Variants in ATP6AP2 observed in about 807,000 individuals in gnomAD.
ATP6AP2 encodes the protein ATPase H+ transporting accessory protein 2, also known as renin receptor.
ATP6AP2 carries 1 observed loss-of-function variant against 23.4 expected under a neutral mutation model. The ratio of observed to expected loss-of-function variants is 0.04; its 90% confidence interval spans 0.02 to 0.20. The LOEUF (loss-of-function observed/expected upper bound fraction) is 0.20. Ranked by LOEUF, ATP6AP2 falls within the 10% of genes least tolerant of loss-of-function variation. The pLI is 1.00. For missense variants in ATP6AP2, 174 were observed against 271.3 expected, an observed-to-expected ratio of 0.64 and a Z score of 2.52; for synonymous variants, 90 against 97.1, an observed-to-expected ratio of 0.93 and a Z score of 0.43.
intron 2 of ATP6AP2, 138 bp downstream of exon 2, chrX:40,589,254 C>A: frequency 1.3e-6 from 1 of 740,984 alleles, no homozygotes; most frequent in Non-Finnish European, 1.9e-6. Flanking sequence ...TCATCTGGAC[C>A]AGGCACAGTG....
rs897518327 is a variant in ATP6AP2 at position 40,600,773 on chromosome X, C to T, written c.750C>T (p.Asp250=). The T allele has an allele frequency of 4.1e-6, 5 of 1,205,186 alleles. No homozygotes were observed. The African/African-American group carries it at 7.0e-5, about 17-fold the overall frequency. The change falls in exon 8 of 9, where the codon GAC becomes GAT. Residue 250 remains aspartate (D), a synonymous_variant. Coordinates refer to ENST00000636580, the MANE Select transcript of ATP6AP2 (RefSeq NM_005765.3). ...TAACTAACTTTCAGTTTGCAGATGA[C>T]ATGTACAGTCTTTATGGTGGGAATG... ...LVDALQKFAD[D]MYSLYGGNAV...
chrX:40,597,102 G>T, intron 3 of ATP6AP2, 147 bp from the exon 4 acceptor site: 1 of 495,380 alleles, frequency 2.0e-6, no homozygotes. Flanking sequence ...GCCCTCAAAA[G>T]GGCTTGTTTG....
chrX:40,585,877 T>A (rs1293925642), intron 1 of ATP6AP2, among the ~76,000 whole-genome samples: 1 of 110,841 alleles, frequency 9.0e-6, no homozygotes, highest in African/African-American at 3.3e-5. Flanking sequence ...TAAAAAAAAT[T>A]TTTAAAATTT....
At chrX:40,590,860 T>A (rs1010045612) in intron 2 of ATP6AP2, 3 of 175,965 alleles carry the variant, frequency 1.7e-5, no homozygotes, top group Non-Finnish European at 3.2e-5. Context: ...AAAGTGATGC[T>A]GTATATGAGG....
intron 8 of ATP6AP2, among the ~76,000 whole-genome samples, chrX:40,601,518 C>T (rs1339820605): frequency 9.0e-6 from 1 of 111,730 alleles, no homozygotes; most frequent in Non-Finnish European, 1.9e-5. Flanking sequence ...TAAGCATTAC[C>T]ATGGTTGCTG....
At chrX:40,591,211 GC>G in intron 2 of ATP6AP2, 22 bp from the exon 3 acceptor site, 1 of 1,208,826 alleles carries the variant, frequency 8.3e-7, no homozygotes, top group East Asian at 3.0e-5. Context: ...ATTAAGCACC[GC>G]TTTGTGCTTT....
chrX:40,591,578 G>A (rs1926630196), intron 3 of ATP6AP2: 1 of 417,663 alleles, frequency 2.4e-6, no homozygotes, highest in Admixed American at 4.1e-5. Flanking sequence ...TGAGAGTACT[G>A]TTTAAGATAA....
Position 40,597,528 on chromosome X carries a change from G to A in ATP6AP2, c.398G>A (p.Arg133Lys), listed in dbSNP as rs560852897. 4.7e-5 allele frequency: 57 copies of A among 1,208,677 alleles called. 1 individual carries two copies. In the South Asian group the frequency reaches 8.6e-4, roughly 18 times the overall value. The change falls in exon 5 of 9, where the codon AGA becomes AAA. Residue 133 changes from arginine to lysine, a missense_variant and splice_region_variant. Physicochemically the swap from Arg to Lys is conservative, Grantham distance 26. Coordinates refer to ENST00000636580, the MANE Select transcript of ATP6AP2 (RefSeq NM_005765.3). Reference sequence around the variant, plus strand: ...TAAAATTTTCTATTCTTCTTACAGAGAGTGTATATGGTAGGGAAGGCAAAC... The same window carrying A: ...TAAAATTTTCTATTCTTCTTACAGAAAGTGTATATGGTAGGGAAGGCAAAC... The part of the protein sequence containing the change: ...VVLQLAPSEE[R>K]VYMVGKANSV...
At chrX:40,592,523 G>A (rs1356757403) in intron 3 of ATP6AP2, 2 of 110,545 alleles carry the variant, frequency 1.8e-5, no homozygotes, top group Non-Finnish European at 3.8e-5. Context: ...GAAAAAATTT[G>A]TGAAAAAAAG....
intron 2 of ATP6AP2, chrX:40,589,410 G>T (rs969961794): frequency 3.8e-5 from 9 of 239,701 alleles, no homozygotes; most frequent in Non-Finnish European, 6.7e-5. Flanking sequence ...TTTGTAGTTG[G>T]GAAGATTTTG....
At position 40,605,817 on chromosome X, in the gene ATP6AP2, CTT is replaced by C. The variant is rs1175836750; in HGVS notation, c.*65_*66del. 4 of 986,120 alleles carry C rather than the reference CTT, an allele frequency of 4.1e-6. No individual in the cohort carries two copies. The East Asian group carries it at 1.2e-4, about 30-fold the overall frequency. The allele number at this position is 986,120 out of a possible 1,213,427, so 81.3% of individuals were successfully genotyped here. ...AATTGGCTGTTTTGTTAAAATATAT[CTT>C]TTAGTGTGCTTTAAAGTAGATAGTA... On this transcript the variant is annotated 3_prime_UTR_variant, in exon 9 of 9. Transcript: ENST00000636580.
At chrX:40,595,562 C>G (rs115023239) in intron 3 of ATP6AP2, among the ~76,000 whole-genome samples, 3,127 of 111,970 alleles carry the variant, frequency 0.028, 101 homozygotes, top group African/African-American at 0.096. Flanking sequence ...TCAATTTGAT[C>G]GCTATGGACA....
intron 6 of ATP6AP2, 76 bp downstream of exon 6, chrX:40,598,810 T>C (rs1298838347): frequency 1.0e-6 from 1 of 982,263 alleles, no homozygotes; most frequent in African/African-American, 1.9e-5. Flanking sequence ...GTAAAGGCAG[T>C]TGAAAAGTTT....
At chrX:40,597,836 C>A in intron 5 of ATP6AP2, 172 bp downstream of exon 5, 1 of 473,954 alleles carries the variant, frequency 2.1e-6, no homozygotes, top group Admixed American at 3.7e-5. Context: ...CTGCATCTGG[C>A]CTCCCATTCC....
intron 3 of ATP6AP2, among the ~76,000 whole-genome samples, chrX:40,595,457 G>A (rs1569260390): frequency 1.8e-5 from 2 of 112,441 alleles, no homozygotes; most frequent in African/African-American, 3.2e-5. Flanking sequence ...ACCATCATTC[G>A]ATATTAAGCA....
chrX:40,584,473 G>C (rs911112065), intron 1 of ATP6AP2, among the ~76,000 whole-genome samples: 5 of 108,176 alleles, frequency 4.6e-5, no homozygotes, highest in Non-Finnish European at 7.7e-5. Context: ...TGGGGTTCAA[G>C]TGATTCTTGT....
chrX:40,591,563 G>GT (rs1164140276), intron 3 of ATP6AP2, 198 bp downstream of exon 3: 27 of 454,254 alleles, frequency 5.9e-5, no homozygotes, highest in Non-Finnish European at 9.5e-5. Context: ...GCTGTTCTCT[G>GT]TGGATGAGAG....
In ATP6AP2 at chrX:40,605,830, TTAAAG is replaced by T. The variant is rs764335323; in HGVS notation, c.*78_*82del. On this transcript the variant is annotated 3_prime_UTR_variant, in exon 9 of 9. Transcript: ENST00000636580. Reference sequence around the variant, plus strand: ...GTTAAAATATATCTTTTAGTGTGCTTTAAAGTAGATAGTATACTTTACATTTATAA... The same window carrying T: ...GTTAAAATATATCTTTTAGTGTGCTTTAGATAGTATACTTTACATTTATAA... 2 of 889,912 alleles carry T rather than the reference TTAAAG, an allele frequency of 2.2e-6. No individual in the cohort carries two copies. The highest frequency in any genetic ancestry group is 4.6e-5 in the Admixed American group (2 of 43,166). The allele number at this position is 889,912 out of a possible 1,213,427, so 73.3% of individuals were successfully genotyped here.
intron 2 of ATP6AP2, 86 bp downstream of exon 2, chrX:40,589,202 G>A (rs1926559787): frequency 4.7e-6 from 5 of 1,055,787 alleles, no homozygotes; most frequent in Non-Finnish European, 6.5e-6. Context: ...AGCATCAAAC[G>A]AACGTAGGTA....
Sources: allele counts gnomAD v4.1 joint callset (sites outside exome capture counted in the v4.1 genomes callset), GRCh38; gene constraint gnomAD v4.1.1; transcripts MANE v1.5; gene names NCBI Gene and HGNC (gene_info 2026-07-23, HGNC 2026-07-21).